CNNM2: variants seen among roughly 807,000 people sequenced by gnomAD.
The protein encoded by CNNM2 is metal transporter CNNM2.
A neutral mutation model predicts 66.9 loss-of-function variants in CNNM2; 12 were observed. The observed-to-expected ratio is 0.18, with a 90% CI of 0.11 to 0.29. The LOEUF is 0.29. Ranked by LOEUF, CNNM2 falls within the 10% of genes least tolerant of loss-of-function variation. CNNM2 has a pLI of 1.00. For synonymous variants in CNNM2, 557 were observed against 501.8 expected (o/e 1.11, Z -1.47); for missense variants, 705 against 1,167.7 (o/e 0.60, Z 5.77).
intron 1 of CNNM2, among the ~76,000 whole-genome samples, chr10:102,977,743 C>T (rs1336937440): frequency 6.6e-6 from 1 of 151,844 alleles, no homozygotes; most frequent in Non-Finnish European, 1.5e-5. Flanking sequence ...ATCACTTGAA[C>T]TCTGGAGGCG....
rs1192253652 is a variant in CNNM2, at chr10:103,054,103, T to C, written c.1766-226T>C. 6.6e-6 allele frequency among the ~76,000 whole-genome samples: 1 copy of C among 152,214 alleles called. No individual in the cohort carries two copies. The highest frequency in any genetic ancestry group is 1.5e-5 in the Non-Finnish European group (1 of 68,036). ...CCTGAAGTACATTCACTAATCAGGCTGCCTGCGGTCACTCGCTGCGGACTG... is the reference window on the plus strand; with the variant it reads ...CCTGAAGTACATTCACTAATCAGGCCGCCTGCGGTCACTCGCTGCGGACTG... On this transcript the variant is annotated intron_variant, in intron 2 of 7. Transcript: ENST00000369878. The surrounding 1 kb of genome is among the most constrained non-coding windows in gnomAD (Gnocchi z 5.2).
At chr10:102,920,234 A>T (rs1259795199) in intron 1 of CNNM2, 133 bp downstream of exon 1, 2 of 1,578,336 alleles carry the variant, frequency 1.3e-6, no homozygotes, top group East Asian at 4.5e-5. Context: ...CTTAATTGCA[A>T]AGTTGAAAGG....
At chr10:102,930,797 A>T (rs1320105226) in intron 1 of CNNM2, among the ~76,000 whole-genome samples, 1 of 152,196 alleles carries the variant, frequency 6.6e-6, no homozygotes, top group Non-Finnish European at 1.5e-5. Context: ...TGTAAATGAA[A>T]TGTGGCCTTT....
intron 1 of CNNM2, among the ~76,000 whole-genome samples, chr10:102,957,708 T>C (rs1199266678): frequency 1.3e-5 from 2 of 152,194 alleles, no homozygotes; most frequent in Non-Finnish European, 2.9e-5. Context: ...GAGAGAACCA[T>C]CTTTTTAAGA....
At chr10:103,059,355 C>T (rs1332379480) in intron 4 of CNNM2, among the ~76,000 whole-genome samples, 2 of 152,142 alleles carry the variant, frequency 1.3e-5, no homozygotes, top group African/African-American at 4.8e-5. Flanking sequence ...CAGTGAGATG[C>T]TCTCCCTGCA....
chr10:102,983,429 A>C (rs1015309269), intron 1 of CNNM2, among the ~76,000 whole-genome samples: 1 of 150,070 alleles, frequency 6.7e-6, no homozygotes, highest in East Asian at 2.0e-4. Flanking sequence ...TGGGAGGCCA[A>C]GTCGGGCAGA....
At chr10:102,925,745 C>T (rs1845838089) in intron 1 of CNNM2, among the ~76,000 whole-genome samples, 1 of 152,092 alleles carries the variant, frequency 6.6e-6, no homozygotes, top group Non-Finnish European at 1.5e-5. Flanking sequence ...TGTTAGATGC[C>T]CTGGATTCAA....
chr10:103,035,472 T>G (rs1408908713), intron 1 of CNNM2, among the ~76,000 whole-genome samples: 2 of 152,156 alleles, frequency 1.3e-5, no homozygotes, highest in African/African-American at 4.8e-5. Flanking sequence ...CCTCACTATT[T>G]ATAAGAAAAT....
chr10:102,954,266 C>G (rs951935144), intron 1 of CNNM2, among the ~76,000 whole-genome samples: 2 of 151,596 alleles, frequency 1.3e-5, no homozygotes, highest in African/African-American at 2.4e-5. Context: ...TAGCTGGGAC[C>G]ACAGGCACAC....
Position 102,918,448 on chromosome 10 carries a change from A to G in CNNM2, c.-33A>G. 2 of 1,590,244 alleles carry G rather than the reference A, an allele frequency of 1.3e-6. No homozygotes were observed. Among genetic ancestry groups the G allele is most frequent in the South Asian group, 1.1e-5 (1 of 88,020 alleles). On this transcript the variant is annotated 5_prime_UTR_variant, in exon 1 of 8. Coordinates refer to ENST00000369878, the MANE Select transcript of CNNM2 (RefSeq NM_017649.5). The surrounding 1 kb of genome is among the most constrained non-coding windows in gnomAD (Gnocchi z 4.1). Reference sequence around the variant, plus strand: ...TACCTGCGCTCGCGCCGCCGGGTTGAAAGGATGAAGCCGCAGCTGGAGCAG... The same window carrying G: ...TACCTGCGCTCGCGCCGCCGGGTTGGAAGGATGAAGCCGCAGCTGGAGCAG...
intron 1 of CNNM2, among the ~76,000 whole-genome samples, chr10:102,999,610 C>T (rs2134253335): frequency 6.6e-6 from 1 of 152,136 alleles, no homozygotes; most frequent in South Asian, 2.1e-4. Flanking sequence ...ATCAGATCTA[C>T]CTATTTAATA....
intron 1 of CNNM2, among the ~76,000 whole-genome samples, chr10:103,018,310 G>T (rs1431417341): frequency 1.3e-5 from 2 of 152,130 alleles, no homozygotes; most frequent in Non-Finnish European, 2.9e-5. Context: ...GAACAACTGG[G>T]TAGATGTTAA....
intron 1 of CNNM2, among the ~76,000 whole-genome samples, chr10:102,962,586 T>G (rs2063399641): frequency 6.6e-6 from 1 of 152,108 alleles, no homozygotes. Context: ...GGAGAATAGT[T>G]AAGTCAATTT....
intron 1 of CNNM2, among the ~76,000 whole-genome samples, chr10:103,011,680 G>GTA (rs1421804694): frequency 1.3e-5 from 2 of 149,894 alleles, no homozygotes; most frequent in African/African-American, 4.9e-5. Context: ...GTGTGTGTGT[G>GTA]TGTGTATGTA....
At chr10:103,037,017 C>G (rs2064953060) in intron 1 of CNNM2, among the ~76,000 whole-genome samples, 1 of 152,012 alleles carries the variant, frequency 6.6e-6, no homozygotes, top group Non-Finnish European at 1.5e-5. Context: ...TTGGGGGAAA[C>G]TGGGGAAAAG....
At position 103,084,753 on chromosome 10, in the gene CNNM2, G is replaced by A. The variant is rs188205140; in HGVS notation, c.*7573G>A. 4.6e-5 allele frequency: 7 copies of A among 152,234 alleles called. No individual in the cohort carries two copies. The highest frequency in any genetic ancestry group is 1.7e-4 in the African/African-American group (7 of 41,548). The allele number at this position is 152,234 out of a possible 1,614,324, so 9.4% of individuals were successfully genotyped here. On this transcript the variant is annotated 3_prime_UTR_variant, in exon 8 of 8. Transcript: ENST00000369878. ...TTTCACAAAAATTGTGCTCCCTAGA[G>A]CCGTTTTTCAACTCGGCACTTCTGA...
In CNNM2 at chr10:102,927,328, CTT is replaced by C; in HGVS notation, c.1621+7231_1621+7232del. 2.5e-6 allele frequency: 4 copies of C among 1,613,718 alleles called. No homozygotes were observed. ...TTTTTAAAGTATTGTCTTTTCATCT[CTT>C]TTTGTTTTTCTCAGAACACACAAAC... On this transcript the variant is annotated intron_variant, in intron 1 of 7. Coordinates refer to ENST00000369878, the MANE Select transcript of CNNM2 (RefSeq NM_017649.5).
chr10:103,056,984 A>G lies in CNNM2; in HGVS notation c.2073+20A>G. 6.2e-7 allele frequency: 1 copy of G among 1,602,422 alleles called. No individual in the cohort carries two copies. The highest frequency in any genetic ancestry group is 1.3e-5 in the African/African-American group (1 of 74,566). Reference sequence around the variant, plus strand: ...CTGCAGGTCAGAAGAATTATTCAATAGTGGTTTGCTCTCACTGAGTATCCA... The same window carrying G: ...CTGCAGGTCAGAAGAATTATTCAATGGTGGTTTGCTCTCACTGAGTATCCA... On this transcript the variant is annotated intron_variant, in intron 4 of 7. Transcript: ENST00000369878.
chr10:102,956,167 AGT>A (rs1847026336), intron 1 of CNNM2, among the ~76,000 whole-genome samples: 1 of 152,026 alleles, frequency 6.6e-6, no homozygotes, highest in Non-Finnish European at 1.5e-5. Flanking sequence ...GGGCGCCTGT[AGT>A]CCCAGCTGCT....
Sources: gnomAD v4.1 joint callset for allele counts (sites outside exome capture counted in the v4.1 genomes callset) on GRCh38, gnomAD v4.1.1 for gene constraint, Gnocchi (gnomAD v3.1) non-coding constraint, MANE v1.5 for transcripts, NCBI Gene and HGNC (gene_info 2026-07-23, HGNC 2026-07-21) for gene names.